The following GALNT13 variants were observed in gnomAD, a reference collection of about 807,000 sequenced individuals.
The protein encoded by GALNT13 is polypeptide N-acetylgalactosaminyltransferase 13, also known as UDP-GalNAc:polypeptide N-acetylgalactosaminyltransferase 13.
In GALNT13, 28 loss-of-function variants were observed where a neutral mutation model predicts 64.2. The ratio of observed to expected loss-of-function variants is 0.44; its 90% CI spans 0.32 to 0.60. The LOEUF (loss-of-function observed/expected upper bound fraction) is 0.60. Among genes scored for constraint, GALNT13 ranks in the 20% least tolerant of loss-of-function variants. The probability of loss-of-function intolerance (pLI) is 0.05; values close to 1 mark genes in which losing one functional copy is unlikely to be tolerated. For synonymous variants in GALNT13, 214 were observed against 224.6 expected, an observed-to-expected ratio of 0.95 and a Z score of 0.42; for missense variants, 577 against 669.8, an observed-to-expected ratio of 0.86 and a Z score of 1.53.
chr2:153,213,568 A>G, the GALNT13 span, among the ~76,000 whole-genome samples: 484 of 152,320 alleles, frequency 3.2e-3, 20 homozygotes, highest in East Asian at 0.083. Flanking sequence ...AGGGATAAGA[A>G]AAGGGGAAAG....
At chr2:154,389,975 A>C (rs564885556) in intron 9 of GALNT13, among the ~76,000 whole-genome samples, 1 of 152,184 alleles carries the variant, frequency 6.6e-6, no homozygotes, top group African/African-American at 2.4e-5. Context: ...TTCCTTCAAA[A>C]TGTCTGGGTG....
At chr2:153,268,367 A>G in the GALNT13 span, among the ~76,000 whole-genome samples, 51 of 152,310 alleles carry the variant, frequency 3.3e-4, no homozygotes, top group East Asian at 8.5e-3. Flanking sequence ...CTGTGACTCC[A>G]TGTCTCACAT....
the GALNT13 span, among the ~76,000 whole-genome samples, chr2:153,309,931 C>T: frequency 6.6e-6 from 1 of 152,020 alleles, no homozygotes; most frequent in Non-Finnish European, 1.5e-5. Context: ...GGCCTCTAGG[C>T]TATCAAAAAA....
chr2:154,238,234 GT>G (rs1689299257), intron 4 of GALNT13, among the ~76,000 whole-genome samples: 2 of 151,984 alleles, frequency 1.3e-5, no homozygotes, highest in South Asian at 4.1e-4. Context: ...CTAAATGTTT[GT>G]CCCTCATATG....
At chr2:153,769,557 G>C in the GALNT13 span, among the ~76,000 whole-genome samples, 1 of 152,124 alleles carries the variant, frequency 6.6e-6, no homozygotes. Context: ...CATATGCCTT[G>C]GTGTGGTTCT....
At chr2:154,422,525 A>G (rs707057) in intron 11 of GALNT13, among the ~76,000 whole-genome samples, 41,818 of 152,108 alleles carry the variant, frequency 0.27, 6,052 homozygotes, top group Middle Eastern at 0.36. Context: ...CCAATTTCGA[A>G]TAGAAAATCT....
chr2:153,183,537 C>A, the GALNT13 span, among the ~76,000 whole-genome samples: 4 of 152,136 alleles, frequency 2.6e-5, no homozygotes, highest in African/African-American at 9.7e-5. Flanking sequence ...ATAATGAAAT[C>A]TTTGCCTGTG....
At chr2:153,823,820 A>ACCTATACCATT in the GALNT13 span, among the ~76,000 whole-genome samples, 1 of 152,208 alleles carries the variant, frequency 6.6e-6, no homozygotes, top group Non-Finnish European at 1.5e-5. Context: ...TCATCAACAG[A>ACCTATACCATT]GTAAATAGAT....
At chr2:153,866,088 A>C in the GALNT13 span, among the ~76,000 whole-genome samples, 10 of 99,356 alleles carry the variant, frequency 1.0e-4, no homozygotes, top group East Asian at 1.7e-3. Flanking sequence ...GCATATTCTC[A>C]CTCATAGGTG....
intron 9 of GALNT13, among the ~76,000 whole-genome samples, chr2:154,390,424 A>T (rs1017638571): frequency 1.3e-5 from 2 of 151,930 alleles, no homozygotes; most frequent in African/African-American, 4.8e-5. Flanking sequence ...GTTCCCCTCT[A>T]TGTGTCCACA....
chr2:154,026,190 T>A (rs1697951534), intron 3 of GALNT13, among the ~76,000 whole-genome samples: 1 of 152,148 alleles, frequency 6.6e-6, no homozygotes, highest in Non-Finnish European at 1.5e-5. Flanking sequence ...GGAAATGAGA[T>A]CTAATATTAC....
intron 4 of GALNT13, among the ~76,000 whole-genome samples, chr2:154,232,574 T>A (rs1384207750): frequency 3.3e-5 from 5 of 152,182 alleles, no homozygotes; most frequent in Non-Finnish European, 7.4e-5. Flanking sequence ...GTGATATAAC[T>A]ACCATTGTTA....
chr2:153,980,718 A>G (rs1574257514), intron 3 of GALNT13, among the ~76,000 whole-genome samples: 1 of 152,108 alleles, frequency 6.6e-6, no homozygotes. Flanking sequence ...AGACAGATGA[A>G]TGGAAAAACT....
chr2:153,624,320 C>T, the GALNT13 span, among the ~76,000 whole-genome samples: 1 of 152,060 alleles, frequency 6.6e-6, no homozygotes, highest in Non-Finnish European at 1.5e-5. Flanking sequence ...AGAATCACTC[C>T]CTCCATTGTA....
At chr2:154,020,684 T>G (rs1336914986) in intron 3 of GALNT13, among the ~76,000 whole-genome samples, 1 of 150,878 alleles carries the variant, frequency 6.6e-6, no homozygotes, top group Admixed American at 6.6e-5. Flanking sequence ...TCTTTTGCTG[T>G]GCAGAAGCTC....
intron 3 of GALNT13, among the ~76,000 whole-genome samples, chr2:154,075,859 A>G (rs1214101378): frequency 6.6e-6 from 1 of 151,752 alleles, no homozygotes; most frequent in East Asian, 1.9e-4. Flanking sequence ...GTTATTCACT[A>G]TTGAAATGGT....
the GALNT13 span, among the ~76,000 whole-genome samples, chr2:153,669,777 C>T: frequency 4.6e-5 from 7 of 152,122 alleles, no homozygotes; most frequent in Non-Finnish European, 1.0e-4. Context: ...CAAGGGAAGC[C>T]GTGAGTGACC....
At chr2:153,814,009 C>G in the GALNT13 span, among the ~76,000 whole-genome samples, 2 of 152,182 alleles carry the variant, frequency 1.3e-5, no homozygotes, top group African/African-American at 4.8e-5. Flanking sequence ...CTATGTGGCT[C>G]TATCTTCAGC....
At chr2:153,361,577 C>T in the GALNT13 span, among the ~76,000 whole-genome samples, 1 of 151,844 alleles carries the variant, frequency 6.6e-6, no homozygotes, top group Non-Finnish European at 1.5e-5. Flanking sequence ...ATAAAGCATA[C>T]ACAATTACCA....
Sources: allele counts gnomAD v4.1 joint callset (sites outside exome capture counted in the v4.1 genomes callset), GRCh38; gene constraint gnomAD v4.1.1; transcripts MANE v1.5; gene names NCBI Gene and HGNC (gene_info 2026-07-23, HGNC 2026-07-21).